Variants in SSH2 observed in about 807,000 individuals in gnomAD.
SSH2 encodes the protein slingshot protein phosphatase 2, also known as protein phosphatase Slingshot homolog 2.
A neutral mutation model predicts 135.2 loss-of-function variants in SSH2; 37 were observed. The observed-to-expected ratio is 0.27, with a 90% CI of 0.21 to 0.36. The LOEUF is 0.36. Ranked by LOEUF, SSH2 falls within the 10% of genes least tolerant of loss-of-function variation. The pLI is 1.00. For synonymous variants in SSH2, 628 were observed against 646.2 expected (o/e 0.97, Z 0.43); for missense variants, 1,408 against 1,765.3 (o/e 0.80, Z 3.63).
At chr17:29,794,427 T>C (rs1054027671) in intron 2 of SSH2, among the ~76,000 whole-genome samples, 1 of 152,218 alleles carries the variant, frequency 6.6e-6, no homozygotes, top group Non-Finnish European at 1.5e-5. Context: ...ACTTACAATG[T>C]GCTAGGCACT....
intron 3 of SSH2, among the ~76,000 whole-genome samples, chr17:29,748,339 C>T (rs896628172): frequency 6.6e-5 from 10 of 151,902 alleles, no homozygotes; most frequent in South Asian, 6.2e-4. Flanking sequence ...ATTTGAAGGC[C>T]ATAACACCCA....
intron 14 of SSH2, chr17:29,647,614 A>C (rs1446880509): frequency 6.6e-6 from 1 of 152,416 alleles, no homozygotes; most frequent in Non-Finnish European, 1.5e-5. Flanking sequence ...AATTTTTGGT[A>C]CTGCTCCTTA....
chr17:29,905,702 C>T (rs1171565392), intron 1 of SSH2, among the ~76,000 whole-genome samples: 3 of 152,146 alleles, frequency 2.0e-5, no homozygotes, highest in Non-Finnish European at 4.4e-5. Context: ...TAAGGTCCCT[C>T]CCTCAGGCCA....
chr17:29,682,612 A>G (rs889850333), intron 6 of SSH2, among the ~76,000 whole-genome samples: 1 of 152,164 alleles, frequency 6.6e-6, no homozygotes, highest in Non-Finnish European at 1.5e-5. Context: ...TGTTCTTCAC[A>G]AAAAGGAAAA....
chr17:29,687,646 A>G (rs2038280779), intron 5 of SSH2, among the ~76,000 whole-genome samples: 1 of 152,204 alleles, frequency 6.6e-6, no homozygotes, highest in South Asian at 2.1e-4. Flanking sequence ...TTAATCACAA[A>G]TCCTGGTGCA....
chr17:29,645,422 T>C (rs1343846495), intron 14 of SSH2: 1 of 152,176 alleles, frequency 6.6e-6, no homozygotes, highest in Admixed American at 6.5e-5. Context: ...TTTGGGTTTA[T>C]ACTGCCCTTC....
chr17:29,917,268 T>A (rs55655651), intron 1 of SSH2, among the ~76,000 whole-genome samples: 63,358 of 152,046 alleles, frequency 0.42, 15,178 homozygotes, highest in East Asian at 0.69. Flanking sequence ...AAGGAAAAAA[T>A]TTATCTCATT....
intron 2 of SSH2, among the ~76,000 whole-genome samples, chr17:29,808,452 T>C (rs569674219): frequency 2.0e-5 from 3 of 152,258 alleles, no homozygotes; most frequent in East Asian, 1.9e-4. Flanking sequence ...AATTGCAAAA[T>C]AGACCAGTAG....
At chr17:29,808,691 GA>G (rs1363633305) in intron 2 of SSH2, among the ~76,000 whole-genome samples, 2 of 152,050 alleles carry the variant, frequency 1.3e-5, no homozygotes, top group Non-Finnish European at 2.9e-5. Flanking sequence ...GTCAACTGGG[GA>G]AGTTCTTTAT....
intron 1 of SSH2, among the ~76,000 whole-genome samples, chr17:29,878,577 A>G (rs1268589754): frequency 6.6e-6 from 1 of 152,218 alleles, no homozygotes; most frequent in Non-Finnish European, 1.5e-5. Context: ...TTTAAAAAAA[A>G]CAATTGGAGA....
chr17:29,703,099 G>C (rs374353017), intron 3 of SSH2, 37 bp from the exon 4 acceptor site: 1 of 1,465,558 alleles, frequency 6.8e-7, no homozygotes, highest in Non-Finnish European at 9.6e-7. Flanking sequence ...AAATTACTTA[G>C]GAAAGGAAAT....
Position 29,725,143 on chromosome 17 carries a change from C to A in SSH2, c.189-22081G>T, listed in dbSNP as rs891487922. On this transcript the variant is annotated intron_variant, in intron 3 of 15. Coordinates refer to ENST00000540801, the MANE Select transcript of SSH2 (RefSeq NM_001282129.2). ...CGGGCAGATCACGAGGTTAGGAGAT[C>A]GAGACCATTCTGGCTAACATGGTGA... 5.9e-4 allele frequency among the ~76,000 whole-genome samples: 89 copies of A among 151,116 alleles called. 1 individual carries two copies. The highest frequency in any genetic ancestry group is 3.0e-5 in the Non-Finnish European group (2 of 67,766).
chr17:29,716,654 C>T (rs866817665), intron 3 of SSH2: 28 of 652,308 alleles, frequency 4.3e-5, no homozygotes, highest in African/African-American at 3.1e-4. Flanking sequence ...GAACATATAT[C>T]GGGTGCCTCT....
chr17:29,851,184 G>T (rs1346133396), intron 1 of SSH2, among the ~76,000 whole-genome samples: 3 of 152,136 alleles, frequency 2.0e-5, no homozygotes, highest in African/African-American at 7.2e-5. Context: ...ATATTTGAAA[G>T]AATTAAAATG....
At chr17:29,822,078 G>A (rs2042662282) in intron 2 of SSH2, among the ~76,000 whole-genome samples, 1 of 152,186 alleles carries the variant, frequency 6.6e-6, no homozygotes, top group Admixed American at 6.5e-5. Flanking sequence ...TATGATCACA[G>A]ATGGAACCAG....
intron 1 of SSH2, among the ~76,000 whole-genome samples, chr17:29,890,745 A>G (rs562706672): frequency 1.7e-4 from 26 of 152,286 alleles, no homozygotes; most frequent in Admixed American, 4.6e-4. Context: ...AAACCAATGT[A>G]TTAACTGTAT....
At chr17:29,635,899 A>G in intron 15 of SSH2, 69 bp downstream of exon 15, 1 of 1,206,268 alleles carries the variant, frequency 8.3e-7, no homozygotes, top group South Asian at 1.4e-5. Flanking sequence ...AACAAACATA[A>G]CATAATCCCA....
intron 3 of SSH2, among the ~76,000 whole-genome samples, chr17:29,791,915 CTCTT>C (rs993320639): frequency 2.0e-5 from 3 of 147,048 alleles, no homozygotes; most frequent in Admixed American, 6.8e-5. Context: ...CTTCTTCTTC[CTCTT>C]TTTTTTTTTT....
At chr17:29,660,259 C>T (rs1218735564) in intron 11 of SSH2, among the ~76,000 whole-genome samples, 1 of 151,440 alleles carries the variant, frequency 6.6e-6, no homozygotes, top group Non-Finnish European at 1.5e-5. Flanking sequence ...GGCCAACTGC[C>T]TAACCTCTCC....
Sources: allele counts gnomAD v4.1 joint callset (sites outside exome capture counted in the v4.1 genomes callset), GRCh38; gene constraint gnomAD v4.1.1; transcripts MANE v1.5; gene names NCBI Gene and HGNC (gene_info 2026-07-23, HGNC 2026-07-21).